ERCC6: variants seen among roughly 807,000 people sequenced by gnomAD.
ERCC6 encodes the protein ERCC excision repair 6, chromatin remodeling factor.
Under a neutral mutation model 158.7 loss-of-function variants are expected in ERCC6, and 116 were observed. The observed-to-expected ratio is 0.73, with a 90% CI of 0.63 to 0.85. The LOEUF is 0.85. Among genes scored for constraint, ERCC6 ranks in the 40% least tolerant of loss-of-function variants. The probability of loss-of-function intolerance (pLI) is 0.00; values close to 1 mark genes in which losing one functional copy is unlikely to be tolerated. For missense variants in ERCC6, 1,698 were observed against 1,799.4 expected, an observed-to-expected ratio of 0.94 and a Z score of 1.02; for synonymous variants, 678 against 659.3, an observed-to-expected ratio of 1.03 and a Z score of -0.43.
chr10:49,437,670 C>T, the ERCC6 span, among the ~76,000 whole-genome samples: 1 of 152,010 alleles, frequency 6.6e-6, no homozygotes, highest in Non-Finnish European at 1.5e-5. Context: ...GCCTCTTCTG[C>T]CAAGAATTCT....
At chr10:49,534,165 A>C (rs10857501) in intron 1 of ERCC6, among the ~76,000 whole-genome samples, 26 of 139,248 alleles carry the variant, frequency 1.9e-4, no homozygotes, top group African/African-American at 5.6e-4. Context: ...CAAAAAAAAA[A>C]CTCCATTTTA....
chr10:49,468,367 G>A (rs757228005), intron 18 of ERCC6, among the ~76,000 whole-genome samples: 5 of 152,186 alleles, frequency 3.3e-5, no homozygotes, highest in Admixed American at 6.5e-5. Flanking sequence ...CCCTCTTTCT[G>A]TTACAGCACG....
At chr10:49,482,391 A>T (rs1387706204) in intron 10 of ERCC6, among the ~76,000 whole-genome samples, 1 of 152,130 alleles carries the variant, frequency 6.6e-6, no homozygotes, top group Non-Finnish European at 1.5e-5. Context: ...ACCACATGTG[A>T]CATCTTTTTA....
chr10:49,520,312 G>A (rs935305068), intron 5 of ERCC6, among the ~76,000 whole-genome samples: 2 of 152,166 alleles, frequency 1.3e-5, no homozygotes, highest in African/African-American at 4.8e-5. Flanking sequence ...TGTGGGTGGG[G>A]AAGCTTTGCT....
chr10:49,499,021 T>G (rs1347242110), intron 7 of ERCC6, among the ~76,000 whole-genome samples: 1 of 152,160 alleles, frequency 6.6e-6, no homozygotes, highest in Non-Finnish European at 1.5e-5. Flanking sequence ...AGAAAAAGCA[T>G]TTTATTTGAA....
chr10:49,534,994 G>A (rs1458306871), intron 1 of ERCC6, among the ~76,000 whole-genome samples: 2 of 152,196 alleles, frequency 1.3e-5, no homozygotes, highest in South Asian at 2.1e-4. Flanking sequence ...GAGGTCACAC[G>A]AGCATCGAGC....
chr10:49,502,300 T>C (rs1177975905), intron 6 of ERCC6: 5 of 152,326 alleles, frequency 3.3e-5, no homozygotes, highest in African/African-American at 1.2e-4. Context: ...AGTTTGCTAA[T>C]TATAATACAC....
In ERCC6 at chr10:49,500,573, G is replaced by A. The variant is rs748980601; in HGVS notation, c.1650C>T (p.Ser550=). The change falls in exon 7 of 21, where the codon AGC becomes AGT. Residue 550 remains serine (S), a synonymous_variant. Transcript: ENST00000355832. ...IQIIAFLAGL[S]YSKIRTRGSN... is the part of the protein sequence containing the mutation. ...AACCACGAGTCCTGATCTTGCTGTA[G>A]CTCAGACCTGCCAAGAAGGCAATTA... 1.1e-5 allele frequency: 17 copies of A among 1,613,980 alleles called. No individual in the cohort carries two copies. Among genetic ancestry groups the A allele is most frequent in the Non-Finnish European group, 1.4e-5 (17 of 1,179,898 alleles).
In ERCC6 at chr10:49,530,628, C is replaced by T. The variant is rs1198816953; in HGVS notation, c.543+92G>A. 1.2e-5 allele frequency: 18 copies of T among 1,561,884 alleles called. No individual in the cohort carries two copies. The East Asian group carries it at 1.9e-4, about 16-fold the overall frequency. ...GTAATTATAAGTATTTGCTTCACAT[C>T]TTATAAGCACTTTTTAAAATACTTC... On this transcript the variant is annotated intron_variant, in intron 3 of 20. Transcript: ENST00000355832.
At chr10:49,516,056 G>T in intron 5 of ERCC6, 2 of 1,614,114 alleles carry the variant, frequency 1.2e-6, no homozygotes, top group Non-Finnish European at 1.7e-6. Context: ...TGGTGAAAAA[G>T]TTATTGAATA....
chr10:49,470,877 T>A lies in ERCC6; in HGVS notation c.3083A>T (p.Asp1028Val), dbSNP rs1474441899. Residue 1028 changes from aspartate (D) to valine (V), a missense_variant, in exon 18 of 21, where the codon GAT becomes GTT. Asp to Val is a radical substitution (Grantham distance 152). Coordinates refer to ENST00000355832, the MANE Select transcript of ERCC6 (RefSeq NM_000124.4). ...TSAIFAGTGSDVQTPKCHLKR... is the reference protein window; with the variant it reads ...TSAIFAGTGSVVQTPKCHLKR... Reference sequence around the variant, plus strand: ...TAGATGGCATTTGGGTGTCTGAACATCTGATCCAGTTCCTGTAAAGAGGAA... The same window carrying A: ...TAGATGGCATTTGGGTGTCTGAACAACTGATCCAGTTCCTGTAAAGAGGAA... 12 of 1,613,772 alleles carry A rather than the reference T, an allele frequency of 7.4e-6. No individual in the cohort carries two copies. In the African/African-American group the frequency reaches 1.3e-4, roughly 18 times the overall value.
intron 18 of ERCC6, among the ~76,000 whole-genome samples, chr10:49,469,268 C>T (rs148107759): frequency 1.3e-5 from 2 of 152,270 alleles, no homozygotes; most frequent in African/African-American, 4.8e-5. Context: ...CAGACTCCAC[C>T]TTAACCAAGT....
downstream of ERCC6, among the ~76,000 whole-genome samples, chr10:49,452,454 T>C (rs960180553): frequency 6.6e-6 from 1 of 152,130 alleles, no homozygotes; most frequent in Non-Finnish European, 1.5e-5. Flanking sequence ...AAATGCACTT[T>C]GCATTATTTC....
the ERCC6 span, among the ~76,000 whole-genome samples, chr10:49,435,298 G>C: frequency 1.3e-5 from 2 of 152,208 alleles, no homozygotes; most frequent in African/African-American, 2.4e-5. Flanking sequence ...GTAATTGATA[G>C]ATTAAGCAGG....
At chr10:49,494,486 A>G (rs542171180) in intron 7 of ERCC6, among the ~76,000 whole-genome samples, 1 of 152,320 alleles carries the variant, frequency 6.6e-6, no homozygotes, top group East Asian at 1.9e-4. Flanking sequence ...ATACGTAGAA[A>G]AACTGGTTGT....
intron 1 of ERCC6, among the ~76,000 whole-genome samples, chr10:49,536,023 C>T (rs1402715363): frequency 6.6e-6 from 1 of 152,040 alleles, no homozygotes; most frequent in Non-Finnish European, 1.5e-5. Context: ...GGCTGAGGCA[C>T]GAGAATCGCT....
intron 2 of ERCC6, 113 bp from the exon 3 acceptor site, chr10:49,530,953 A>G: frequency 7.0e-7 from 1 of 1,435,658 alleles, no homozygotes; most frequent in Non-Finnish European, 9.3e-7. Flanking sequence ...ACTAAAAGAT[A>G]AAGGAAACTA....
chr10:49,518,164 A>G (rs1322925312), intron 5 of ERCC6, among the ~76,000 whole-genome samples: 5 of 152,220 alleles, frequency 3.3e-5, no homozygotes, highest in African/African-American at 1.2e-4. Context: ...AGAAGACAAT[A>G]AAATGGAGAC....
At chr10:49,508,888 A>G (rs538182178) in intron 5 of ERCC6, among the ~76,000 whole-genome samples, 1 of 152,268 alleles carries the variant, frequency 6.6e-6, no homozygotes, top group Admixed American at 6.5e-5. Flanking sequence ...TCCTCATCCC[A>G]GACGCTGCCA....
Sources: gnomAD v4.1 joint callset for allele counts (sites outside exome capture counted in the v4.1 genomes callset) on GRCh38, gnomAD v4.1.1 for gene constraint, MANE v1.5 for transcripts, NCBI Gene and HGNC (gene_info 2026-07-23, HGNC 2026-07-21) for gene names.